CSMD1: variants seen among roughly 807,000 people sequenced by gnomAD.
CSMD1 encodes CUB and sushi domain-containing protein 1.
In CSMD1, 213 loss-of-function variants were observed where a neutral mutation model predicts 417.5. The observed-to-expected ratio is 0.51, with a 90% CI of 0.46 to 0.57. CSMD1 has a LOEUF of 0.57. Ranked by LOEUF, CSMD1 falls within the 20% of genes least tolerant of loss-of-function variation. The pLI, the probability that CSMD1 is intolerant of heterozygous loss-of-function variation, is 0.00. For synonymous variants in CSMD1, 2,862 were observed against 1,736.8 expected (o/e 1.65, Z -16.11); for missense variants, 6,923 against 4,529.7 (o/e 1.53, Z -15.17).
intron 3 of CSMD1, among the ~76,000 whole-genome samples, chr8:4,188,945 G>C (rs573791473): frequency 2.6e-5 from 4 of 152,146 alleles, no homozygotes; most frequent in Non-Finnish European, 5.9e-5. Context: ...GGTTTACTCA[G>C]ATATTAGAGC....
intron 3 of CSMD1, among the ~76,000 whole-genome samples, chr8:4,347,785 C>T (rs1441618705): frequency 6.6e-6 from 1 of 152,008 alleles, no homozygotes; most frequent in Non-Finnish European, 1.5e-5. Flanking sequence ...GTTTTAGTAA[C>T]TCTAAATAAA....
chr8:4,746,339 C>G (rs530326879), intron 1 of CSMD1, among the ~76,000 whole-genome samples: 1 of 152,274 alleles, frequency 6.6e-6, no homozygotes, highest in Admixed American at 6.5e-5. Flanking sequence ...GGCACTTTGG[C>G]AGGGGTTCAA....
chr8:4,959,629 TC>T (rs1267403075), intron 1 of CSMD1, among the ~76,000 whole-genome samples: 1 of 152,244 alleles, frequency 6.6e-6, no homozygotes, highest in African/African-American at 2.4e-5. Flanking sequence ...CCAGCCTTGT[TC>T]CTTTCTATTC....
intron 49 of CSMD1, among the ~76,000 whole-genome samples, chr8:3,086,047 G>T (rs1216851294): frequency 1.3e-5 from 2 of 152,092 alleles, no homozygotes. Flanking sequence ...AGTGCTAGTG[G>T]GGCACAGACC....
chr8:4,802,798 C>T (rs970251901), intron 1 of CSMD1, among the ~76,000 whole-genome samples: 15 of 152,080 alleles, frequency 9.9e-5, no homozygotes, highest in African/African-American at 2.9e-4. Context: ...AAATCCGTGA[C>T]GTCATAGGGA....
At chr8:4,941,181 C>T (rs928581785) in intron 1 of CSMD1, among the ~76,000 whole-genome samples, 1 of 151,658 alleles carries the variant, frequency 6.6e-6, no homozygotes, top group Non-Finnish European at 1.5e-5. Context: ...AAATAAAAAA[C>T]AAAAATATTG....
At chr8:3,290,728 G>C (rs1803490909) in intron 25 of CSMD1, among the ~76,000 whole-genome samples, 1 of 147,014 alleles carries the variant, frequency 6.8e-6, no homozygotes, top group African/African-American at 2.7e-5. Flanking sequence ...ATTTTGGGCT[G>C]AGACAATGGG....
chr8:4,092,909 T>C lies in CSMD1; in HGVS notation c.416-60810A>G, dbSNP rs191078412. The stretch of plus-strand genomic sequence containing the variant: ...CTGGACTTGCCAAAACACAAGTTTT[T>C]TTTAATATTTATTTCTCTGAATCCT... On this transcript the variant is annotated intron_variant, in intron 3 of 69. Coordinates refer to ENST00000635120, the MANE Select transcript of CSMD1 (RefSeq NM_033225.6). 2.7e-3 allele frequency among the ~76,000 whole-genome samples: 414 copies of C among 152,338 alleles called. 3 individuals are homozygous for C. Among genetic ancestry groups the C allele is most frequent in the African/African-American group, 9.6e-3 (398 of 41,578 alleles).
chr8:4,586,694 G>T (rs375157226), intron 2 of CSMD1, among the ~76,000 whole-genome samples: 1 of 151,926 alleles, frequency 6.6e-6, no homozygotes, highest in Non-Finnish European at 1.5e-5. Flanking sequence ...ATGAAATACC[G>T]CCACACCATA....
intron 7 of CSMD1, among the ~76,000 whole-genome samples, chr8:3,643,566 TGGCG>T (rs1250267840): frequency 6.6e-6 from 1 of 151,862 alleles, no homozygotes; most frequent in African/African-American, 2.4e-5. Flanking sequence ...CCGGGCGTGG[TGGCG>T]GGCGCCTGTA....
chr8:2,949,964 C>A (rs184101349), intron 67 of CSMD1, among the ~76,000 whole-genome samples: 11 of 152,264 alleles, frequency 7.2e-5, no homozygotes, highest in Admixed American at 2.0e-4. Flanking sequence ...ACATCATAGA[C>A]CCTGGATTTC....
chr8:4,920,808 A>G (rs1806386269), intron 1 of CSMD1, among the ~76,000 whole-genome samples: 1 of 150,546 alleles, frequency 6.6e-6, no homozygotes, highest in Non-Finnish European at 1.5e-5. Context: ...GGGCAACAAG[A>G]GCAAAACTCT....
At position 3,332,679 on chromosome 8, in the gene CSMD1, G is replaced by A. The variant is rs374858310; in HGVS notation, c.3631+10615C>T. ...CAAGTGTGTGTGGGAGTGCGTGCATGTGTGCGTGCGCACACACACACACTT... is the reference window on the plus strand; with the variant it reads ...CAAGTGTGTGTGGGAGTGCGTGCATATGTGCGTGCGCACACACACACACTT... On this transcript the variant is annotated intron_variant, in intron 23 of 69. Transcript: ENST00000635120. Among the ~76,000 whole-genome samples the A allele has an allele frequency of 7.9e-5, 12 of 151,744 alleles. 1 individual carries two copies. The highest frequency in any genetic ancestry group is 7.2e-4 in the Admixed American group (11 of 15,278).
intron 23 of CSMD1, among the ~76,000 whole-genome samples, chr8:3,308,732 G>GTGTTTTTTTTTTTT (rs1805090018): frequency 4.6e-5 from 5 of 108,932 alleles, no homozygotes; most frequent in Admixed American, 1.1e-4. Context: ...CTACTTACAA[G>GTGTTTTTTTTTTTT]TTTTTTTTTT....
chr8:3,199,794 A>T lies in CSMD1; in HGVS notation c.5114T>A (p.Leu1705Ter). 1.3e-6 allele frequency: 2 copies of T among 1,574,638 alleles called. No individual in the cohort carries two copies. The highest frequency in any genetic ancestry group is 1.7e-6 in the Non-Finnish European group (2 of 1,159,204). Residue 1705 changes from leucine (L) to a stop codon, truncating the protein, a stop_gained, in exon 33 of 70, where the codon TTG (leucine) becomes TAG (stop). Transcript: ENST00000635120. LOFTEE classifies it high-confidence loss of function. ...GAGCAGAATTTGATTTGACGTAGCC[A>T]AGGGCAATGTTTCCCCTAGAAACGA... is the stretch of plus-strand genomic sequence containing the variant. ...SGSHSGETLP[L>*]ATSNQILLRF...
chr8:3,976,868 T>A (rs968644535), intron 5 of CSMD1, among the ~76,000 whole-genome samples: 1 of 152,166 alleles, frequency 6.6e-6, no homozygotes, highest in South Asian at 2.1e-4. Context: ...TGACCAGCAC[T>A]AGCACTGAGA....
intron 18 of CSMD1, among the ~76,000 whole-genome samples, chr8:3,376,119 G>C (rs1350797087): frequency 3.3e-5 from 5 of 152,010 alleles, no homozygotes; most frequent in Admixed American, 3.3e-4. Flanking sequence ...CTGTGTGATT[G>C]CAAATACAGC....
At position 4,290,147 on chromosome 8, in the gene CSMD1, A is replaced by T. The variant is rs143538259; in HGVS notation, c.415+129806T>A. On this transcript the variant is annotated intron_variant, in intron 3 of 69. Coordinates refer to ENST00000635120, the MANE Select transcript of CSMD1 (RefSeq NM_033225.6). ...TACAAACAGGCAGGGAGTGGTGAGG[A>T]AATGCTTCCCAGGTAAAGCAGAGTT... Among the ~76,000 whole-genome samples, 1,243 of 152,316 alleles carry T rather than the reference A, an allele frequency of 8.2e-3. 14 individuals are homozygous for T. The highest frequency in any genetic ancestry group is 0.029 in the African/African-American group (1,207 of 41,572).
At chr8:3,337,847 CGTAA>C (rs979731108) in intron 23 of CSMD1, among the ~76,000 whole-genome samples, 6 of 152,096 alleles carry the variant, frequency 3.9e-5, no homozygotes, top group African/African-American at 1.4e-4. Flanking sequence ...AAACCCAAAC[CGTAA>C]GTGTTTATGA....
Sources: allele counts gnomAD v4.1 joint callset (sites outside exome capture counted in the v4.1 genomes callset), GRCh38; gene constraint gnomAD v4.1.1; transcripts MANE v1.5; gene names NCBI Gene and HGNC (gene_info 2026-07-23, HGNC 2026-07-21).